BAZ2B: variants seen among roughly 807,000 people sequenced by gnomAD.
The protein encoded by BAZ2B is bromodomain adjacent to zinc finger domain 2B.
BAZ2B carries 91 observed loss-of-function variants against 246.0 expected under a neutral mutation model. The ratio of observed to expected loss-of-function variants is 0.37; its 90% confidence interval spans 0.31 to 0.44. BAZ2B has a LOEUF of 0.44. BAZ2B is among the 20% of genes least tolerant of loss of function. The pLI, the probability that BAZ2B is intolerant of heterozygous loss-of-function variation, is 1.00. For synonymous variants in BAZ2B, 855 were observed against 860.0 expected, an observed-to-expected ratio of 0.99 and a Z score of 0.10; for missense variants, 2,332 against 2,533.7, an observed-to-expected ratio of 0.92 and a Z score of 1.71.
intron 2 of BAZ2B, among the ~76,000 whole-genome samples, chr2:159,533,137 T>G (rs1438253386): frequency 1.3e-5 from 2 of 152,152 alleles, no homozygotes; most frequent in South Asian, 2.1e-4. Context: ...ATATTGAAGA[T>G]AGATCACAGG....
the BAZ2B span, among the ~76,000 whole-genome samples, chr2:159,665,972 T>C: frequency 3.9e-5 from 6 of 152,340 alleles, 1 homozygote; most frequent in Admixed American, 3.9e-4. Flanking sequence ...CTAATGATGT[T>C]GGGCATATTT....
the BAZ2B span, among the ~76,000 whole-genome samples, chr2:159,643,944 C>G: frequency 2.7e-5 from 4 of 150,608 alleles, no homozygotes; most frequent in African/African-American, 9.7e-5. Flanking sequence ...AAGCCCAAGT[C>G]TCATTTAAAT....
chr2:159,542,070 T>C (rs991756255), intron 2 of BAZ2B, among the ~76,000 whole-genome samples: 1 of 152,080 alleles, frequency 6.6e-6, no homozygotes, highest in Non-Finnish European at 1.5e-5. Context: ...ACAGCAGATA[T>C]GAGTAGGCAG....
chr2:159,403,730 T>C (rs760111937), intron 16 of BAZ2B, among the ~76,000 whole-genome samples: 2 of 152,146 alleles, frequency 1.3e-5, no homozygotes, highest in Non-Finnish European at 2.9e-5. Context: ...TAGTTGGATG[T>C]TTTATATTTA....
chr2:159,598,544 A>T (rs528889333), intron 1 of BAZ2B, among the ~76,000 whole-genome samples: 2 of 152,178 alleles, frequency 1.3e-5, no homozygotes, highest in African/African-American at 2.4e-5. Context: ...GGAAATACTG[A>T]TCAAAAACTC....
At chr2:159,316,994 C>CT (rs1263151182), downstream of BAZ2B, among the ~76,000 whole-genome samples, 17 of 137,576 alleles carry the variant, frequency 1.2e-4, no homozygotes, top group Admixed American at 1.3e-3. Flanking sequence ...GAGCAATACT[C>CT]TGTCTCAATA....
chr2:159,549,092 G>GC (rs2087767874), intron 2 of BAZ2B, among the ~76,000 whole-genome samples: 1 of 152,028 alleles, frequency 6.6e-6, no homozygotes, highest in Non-Finnish European at 1.5e-5. Context: ...ACCAGCCTAA[G>GC]CAACATGGCG....
chr2:159,406,283 T>G (rs149773670), intron 14 of BAZ2B, among the ~76,000 whole-genome samples: 1 of 152,162 alleles, frequency 6.6e-6, no homozygotes, highest in Non-Finnish European at 1.5e-5. Context: ...AAGATATGAT[T>G]TGGGGGCTAG....
intron 2 of BAZ2B, among the ~76,000 whole-genome samples, chr2:159,513,643 C>G (rs1205952995): frequency 6.6e-6 from 1 of 152,142 alleles, no homozygotes; most frequent in Non-Finnish European, 1.5e-5. Flanking sequence ...ACATCCAGCC[C>G]ATCCAGAAAT....
At chr2:159,510,282 G>A (rs1028026481) in intron 2 of BAZ2B, among the ~76,000 whole-genome samples, 6 of 152,086 alleles carry the variant, frequency 3.9e-5, no homozygotes, top group South Asian at 2.1e-4. Context: ...TCCTGTGTTC[G>A]AGGCCTGAGT....
intron 2 of BAZ2B, among the ~76,000 whole-genome samples, chr2:159,491,978 C>A (rs1321877978): frequency 6.6e-6 from 1 of 152,114 alleles, no homozygotes; most frequent in Non-Finnish European, 1.5e-5. Context: ...TCCCCATGAA[C>A]CAATTCATTG....
the BAZ2B span, among the ~76,000 whole-genome samples, chr2:159,697,983 C>A: frequency 6.6e-6 from 1 of 152,050 alleles, no homozygotes; most frequent in African/African-American, 2.4e-5. Flanking sequence ...CCTCCCTCAG[C>A]TTTTGTTTTT....
intron 2 of BAZ2B, among the ~76,000 whole-genome samples, chr2:159,524,640 C>G (rs942777667): frequency 1.3e-5 from 2 of 152,106 alleles, no homozygotes; most frequent in African/African-American, 4.8e-5. Context: ...AGTTGTTACA[C>G]TAATCACAAA....
chr2:159,561,553 C>T (rs936056188), intron 1 of BAZ2B, among the ~76,000 whole-genome samples: 4 of 152,172 alleles, frequency 2.6e-5, no homozygotes, highest in African/African-American at 9.7e-5. Flanking sequence ...TTACTGAGCA[C>T]TTGTAATATG....
At chr2:159,395,898 A>T in intron 19 of BAZ2B, 64 bp from the exon 20 acceptor site, 1 of 1,435,604 alleles carries the variant, frequency 7.0e-7, no homozygotes, top group South Asian at 1.3e-5. Flanking sequence ...TTTTCCAATG[A>T]AAAAACAAAA....
chr2:159,320,324 C>T lies in BAZ2B; in HGVS notation c.6448G>A (p.Gly2150Ser). ...TCAAAATACTTCCTCATATTGTGGC[C>T]AGCTCTGCCTATATCAGAATCATCT... ...NEDDSDIGRA[G>S]HNMRKYFEKK... Residue 2150 changes from glycine to serine, a missense_variant, in exon 37 of 37, where the codon GGC becomes AGC. Gly to Ser is a moderately conservative substitution (Grantham distance 56, BLOSUM62 0). This residue lies in a region of BAZ2B where 210 missense variants were observed against 232.5 expected (regional missense o/e 0.90). Coordinates refer to ENST00000392783, the MANE Select transcript of BAZ2B (RefSeq NM_013450.4). The T allele has an allele frequency of 6.3e-7, 1 of 1,577,208 alleles. No individual in the cohort carries two copies.
At chr2:159,631,884 ATG>A in the BAZ2B span, among the ~76,000 whole-genome samples, 7 of 151,896 alleles carry the variant, frequency 4.6e-5, no homozygotes, top group African/African-American at 1.7e-4. Context: ...CAATACATGT[ATG>A]TGTATATATA....
At chr2:159,362,153 G>A (rs1376691202) in intron 27 of BAZ2B, among the ~76,000 whole-genome samples, 1 of 110,430 alleles carries the variant, frequency 9.1e-6, no homozygotes, top group Non-Finnish European at 2.1e-5. Context: ...AAAAAAAACA[G>A]TGAACTGGAC....
intron 27 of BAZ2B, among the ~76,000 whole-genome samples, chr2:159,363,891 C>T (rs564710486): frequency 9.9e-5 from 15 of 152,208 alleles, no homozygotes; most frequent in Non-Finnish European, 1.8e-4. Flanking sequence ...AGGACGAGGG[C>T]TATTGAGCTT....
Sources: allele counts gnomAD v4.1 joint callset (sites outside exome capture counted in the v4.1 genomes callset), GRCh38; gene constraint gnomAD v4.1.1; regional missense constraint gnomAD v4.1.1; transcripts MANE v1.5; gene names NCBI Gene and HGNC (gene_info 2026-07-23, HGNC 2026-07-21).